Variants in PPP2R3A observed in about 807,000 individuals in gnomAD.
The protein encoded by PPP2R3A is protein phosphatase 2 regulatory subunit B''alpha, also known as serine/threonine-protein phosphatase 2A regulatory subunit B'' subunit alpha.
PPP2R3A carries 80 observed loss-of-function variants against 106.9 expected under a neutral mutation model. The ratio of observed to expected loss-of-function variants is 0.75; its 90% CI spans 0.62 to 0.90. The LOEUF (loss-of-function observed/expected upper bound fraction) is 0.90. PPP2R3A is among the 40% of genes least tolerant of loss of function. PPP2R3A has a pLI of 0.00. For synonymous variants in PPP2R3A, 483 were observed against 468.3 expected (o/e 1.03, Z -0.41); for missense variants, 1,386 against 1,350.4 (o/e 1.03, Z -0.41).
chr3:136,020,415 TTTG>T, intron 2 of PPP2R3A, among the ~76,000 whole-genome samples: 1 of 152,138 alleles, frequency 6.6e-6, no homozygotes, highest in East Asian at 1.9e-4. Flanking sequence ...TCATAATAGG[TTTG>T]TTGTCTGATT....
chr3:136,028,438 G>A (rs925774665), intron 3 of PPP2R3A, among the ~76,000 whole-genome samples: 1 of 152,170 alleles, frequency 6.6e-6, no homozygotes, highest in African/African-American at 2.4e-5. Flanking sequence ...GAGCTTATCT[G>A]TTTCCATTCC....
chr3:135,996,073 C>A (rs1411225885), intron 1 of PPP2R3A, among the ~76,000 whole-genome samples: 1 of 152,136 alleles, frequency 6.6e-6, no homozygotes, highest in East Asian at 1.9e-4. Flanking sequence ...CAATAAATGA[C>A]AACCATGTCA....
At position 136,002,305 on chromosome 3, in the gene PPP2R3A, T is replaced by C; in HGVS notation, c.807T>C (p.Asp269=). ...GSSISEGSGN[D]TISSSETVYM... ...GCATCAGTGAAGGAAGTGGTAATGATACAATTTCTAGCTCTGAAACTGTCT... is the reference window on the plus strand; with the variant it reads ...GCATCAGTGAAGGAAGTGGTAATGACACAATTTCTAGCTCTGAAACTGTCT... Residue 269 remains aspartate, a synonymous_variant, in exon 2 of 14, where the codon GAT becomes GAC. Coordinates refer to ENST00000264977, the MANE Select transcript of PPP2R3A (RefSeq NM_002718.5). 6.2e-7 allele frequency: 1 copy of C among 1,613,622 alleles called. No homozygotes were observed.
At chr3:135,975,664 G>A (rs890801674) in intron 1 of PPP2R3A, among the ~76,000 whole-genome samples, 1 of 152,058 alleles carries the variant, frequency 6.6e-6, no homozygotes, top group African/African-American at 2.4e-5. Flanking sequence ...ATTTTTCCGT[G>A]TTTTAAACAT....
intron 3 of PPP2R3A, among the ~76,000 whole-genome samples, chr3:136,029,406 C>T (rs1250405020): frequency 6.6e-6 from 1 of 152,174 alleles, no homozygotes; most frequent in East Asian, 1.9e-4. Context: ...CCCTGCCTTG[C>T]TCTGTGGCTC....
chr3:135,987,260 A>G (rs1305279639), intron 1 of PPP2R3A, among the ~76,000 whole-genome samples: 1 of 152,208 alleles, frequency 6.6e-6, no homozygotes, highest in Non-Finnish European at 1.5e-5. Flanking sequence ...GACAGAAGAC[A>G]GTTTATTACT....
chr3:135,972,619 C>T (rs1228168394), intron 1 of PPP2R3A, among the ~76,000 whole-genome samples: 1 of 152,154 alleles, frequency 6.6e-6, no homozygotes, highest in East Asian at 1.9e-4. Context: ...CACCTCCTCG[C>T]CAGCACTTTT....
chr3:135,998,194 A>G (rs1468845507), intron 1 of PPP2R3A, among the ~76,000 whole-genome samples: 2 of 152,058 alleles, frequency 1.3e-5, no homozygotes, highest in African/African-American at 4.8e-5. Flanking sequence ...GCCTTCACAT[A>G]TGTGTTTCCC....
rs779344407 is a variant in PPP2R3A, at chr3:136,106,346, A to G, written c.3329+24A>G. On this transcript the variant is annotated intron_variant, in intron 13 of 13. Transcript: ENST00000264977. ...GGGTGAGTAAGTTTCCCTATGTCTT[A>G]TAGAATTTTTAACAGGAATGCGCAT... The G allele has an allele frequency of 1.4e-5, 23 of 1,598,340 alleles. No homozygotes were observed. The Admixed American group carries it at 2.2e-4, about 15-fold the overall frequency.
At chr3:136,111,420 A>C (rs1937590098) in intron 13 of PPP2R3A, among the ~76,000 whole-genome samples, 1 of 152,140 alleles carries the variant, frequency 6.6e-6, no homozygotes. Context: ...AACTGAAAAA[A>C]ATTGAGTAAA....
rs1406063802 is a variant in PPP2R3A at position 136,102,063 on chromosome 3, A to G, written c.2984A>G (p.Tyr995Cys). ...GATGGAGACGGTGTACTCTCCATGT[A>G]TGAGCTGGAGTACTTCTATGAGGAG... ...DVDGDGVLSM[Y>C]ELEYFYEEQC... Residue 995 changes from tyrosine (Y) to cysteine (C), a missense_variant, in exon 11 of 14, where the codon TAT becomes TGT. Tyr to Cys is a radical substitution (Grantham distance 194). Coordinates refer to ENST00000264977, the MANE Select transcript of PPP2R3A (RefSeq NM_002718.5). The G allele has an allele frequency of 5.6e-6, 9 of 1,613,920 alleles. No homozygotes were observed. The highest frequency in any genetic ancestry group is 7.6e-6 in the Non-Finnish European group (9 of 1,179,956).
Position 136,145,074 on chromosome 3 carries a change from T to C in PPP2R3A, c.3361T>C (p.Ser1121Pro). Reference sequence around the variant, plus strand: ...AGATTATGAAACAGATGAACCTGCCTCTCCCTCTGAATTTGGAAACAAAAG... The same window carrying C: ...AGATTATGAAACAGATGAACCTGCCCCTCCCTCTGAATTTGGAAACAAAAG... Reference protein sequence around the residue: ...FEDYETDEPASPSEFGNKSNK... With the variant: ...FEDYETDEPAPPSEFGNKSNK... The change falls in exon 14 of 14, where the codon TCT becomes CCT. Residue 1121 changes from serine (S) to proline (P), a missense_variant. Physicochemically the swap from Ser to Pro is moderately conservative, Grantham distance 74 (BLOSUM62 -1). Coordinates refer to ENST00000264977, the MANE Select transcript of PPP2R3A (RefSeq NM_002718.5). The C allele has an allele frequency of 6.2e-7, 1 of 1,613,402 alleles. No individual in the cohort carries two copies. Among genetic ancestry groups the C allele is most frequent in the Middle Eastern group, 1.7e-4 (1 of 6,056 alleles).
chr3:135,994,387 TCAG>T (rs1248261568), intron 1 of PPP2R3A, among the ~76,000 whole-genome samples: 1 of 152,162 alleles, frequency 6.6e-6, no homozygotes, highest in Non-Finnish European at 1.5e-5. Context: ...CTTTCTATCT[TCAG>T]CAGGGTGAAA....
intron 4 of PPP2R3A, among the ~76,000 whole-genome samples, chr3:136,046,496 C>T (rs1241570263): frequency 6.6e-6 from 1 of 151,998 alleles, no homozygotes; most frequent in Non-Finnish European, 1.5e-5. Context: ...CCATACAGAG[C>T]CTTGGCCCTC....
At chr3:136,008,769 C>T (rs187889548) in intron 2 of PPP2R3A, among the ~76,000 whole-genome samples, 20 of 152,244 alleles carry the variant, frequency 1.3e-4, no homozygotes, top group Middle Eastern at 3.4e-3. Context: ...TGCCCTCTCC[C>T]AGCCTCCACT....
intron 2 of PPP2R3A, among the ~76,000 whole-genome samples, chr3:136,007,225 T>C (rs1470690754): frequency 1.3e-5 from 2 of 152,240 alleles, no homozygotes; most frequent in Non-Finnish European, 2.9e-5. Flanking sequence ...CTAGCCTCTG[T>C]TGGCCTTTAT....
chr3:136,081,712 G>A (rs1936786205), intron 7 of PPP2R3A, among the ~76,000 whole-genome samples: 1 of 152,168 alleles, frequency 6.6e-6, no homozygotes. Flanking sequence ...GGGGAGTACA[G>A]TGAGTCAGGG....
chr3:136,065,041 G>A (rs1936218047), intron 5 of PPP2R3A, among the ~76,000 whole-genome samples: 2 of 152,236 alleles, frequency 1.3e-5, no homozygotes, highest in South Asian at 2.1e-4. Flanking sequence ...ATAAGGATGG[G>A]TTGATATTAT....
chr3:135,982,037 C>G (rs1937545941), intron 1 of PPP2R3A, among the ~76,000 whole-genome samples: 1 of 151,742 alleles, frequency 6.6e-6, no homozygotes, highest in Non-Finnish European at 1.5e-5. Flanking sequence ...AAGTCCATGA[C>G]AGTACTTCAG....
Sources: allele counts gnomAD v4.1 joint callset (sites outside exome capture counted in the v4.1 genomes callset), GRCh38; gene constraint gnomAD v4.1.1; transcripts MANE v1.5; gene names NCBI Gene and HGNC (gene_info 2026-07-23, HGNC 2026-07-21).